MACF1: variants seen among roughly 807,000 people sequenced by gnomAD.
MACF1 encodes microtubule actin crosslinking factor 1.
MACF1 carries 193 observed loss-of-function variants against 854.8 expected under a neutral mutation model. The observed-to-expected ratio is 0.23, with a 90% CI of 0.20 to 0.25. MACF1 has a LOEUF of 0.25. MACF1 is among the 10% of genes least tolerant of loss of function. The pLI, the probability that MACF1 is intolerant of heterozygous loss-of-function variation, is 1.00. For synonymous variants in MACF1, 3,185 were observed against 3,226.7 expected (o/e 0.99, Z 0.44); for missense variants, 7,722 against 8,929.1 (o/e 0.86, Z 5.45).
rs191825950 is a variant in MACF1, at chr1:39,209,717, C to T, written c.109+4586C>T. ...AAGATCAATTATAAAATGGCCAAAC[C>T]TTGTACATGAATTGTTGTTGTCTCC... is the stretch of plus-strand genomic sequence containing the variant. On this transcript the variant is annotated intron_variant, in intron 1 of 100. Coordinates refer to ENST00000564288, the MANE Select transcript of MACF1 (RefSeq NM_001394062.1). Among the ~76,000 whole-genome samples the T allele has an allele frequency of 2.1e-3, 321 of 152,128 alleles. 1 individual carries two copies. The highest frequency in any genetic ancestry group is 3.9e-3 in the Non-Finnish European group (266 of 67,988).
intron 58 of MACF1, among the ~76,000 whole-genome samples, chr1:39,421,988 T>G (rs1643556236): frequency 6.6e-6 from 1 of 151,858 alleles, no homozygotes; most frequent in Non-Finnish European, 1.5e-5. Context: ...GGCAGGAGAA[T>G]GGCATGAACC....
At chr1:39,408,520 C>T (rs1028807259) in intron 58 of MACF1, among the ~76,000 whole-genome samples, 3 of 152,126 alleles carry the variant, frequency 2.0e-5, no homozygotes, top group African/African-American at 7.2e-5. Context: ...CGCGACCTGC[C>T]GGCACACGGG....
chr1:39,379,122 T>C (rs1333539501), intron 53 of MACF1, 81 bp from the exon 54 acceptor site: 1 of 1,376,246 alleles, frequency 7.3e-7, no homozygotes, highest in Admixed American at 2.4e-5. Context: ...GTAAGAGAGA[T>C]GCAAGTAATT....
At position 39,257,133 on chromosome 1, in the gene MACF1, T is replaced by C. The variant is rs531229734; in HGVS notation, c.436-803T>C. ...AAAACCTGCACATGAATATTCATAA[T>C]TGCCAAAATCTAGAAATAATTCACA... On this transcript the variant is annotated intron_variant, in intron 5 of 100. Coordinates refer to ENST00000564288, the MANE Select transcript of MACF1 (RefSeq NM_001394062.1). 3.1e-4 allele frequency among the ~76,000 whole-genome samples: 47 copies of C among 152,312 alleles called. 1 individual carries two copies. The highest frequency in any genetic ancestry group is 1.2e-3 in the South Asian group (6 of 4,820).
At chr1:39,192,937 C>T (rs942955007) in intron 2 of MACF1, among the ~76,000 whole-genome samples, 1 of 152,018 alleles carries the variant, frequency 6.6e-6, no homozygotes, top group African/African-American at 2.4e-5. Context: ...TGGTGAAACC[C>T]CGTCTCTACC....
At chr1:39,411,249 T>C in intron 58 of MACF1, 1 of 1,613,890 alleles carries the variant, frequency 6.2e-7, no homozygotes. Flanking sequence ...AGCGATGGAT[T>C]ATGATGGAGG....
At chr1:39,485,018 C>T in intron 100 of MACF1, 1 of 488,394 alleles carries the variant, frequency 2.0e-6, no homozygotes, top group Non-Finnish European at 3.7e-6. Context: ...GGGTCTTCCT[C>T]AGACACCAGT....
intron 16 of MACF1, among the ~76,000 whole-genome samples, chr1:39,292,365 C>A (rs556498283): frequency 6.6e-6 from 1 of 152,340 alleles, no homozygotes; most frequent in Admixed American, 6.5e-5. Flanking sequence ...TTTACTTCCC[C>A]ATCTGCCTGC....
At position 39,191,225 on chromosome 1, in the gene MACF1, GC is replaced by G. The variant is rs1298304575; in HGVS notation, c.221-39956del. 4.2e-5 allele frequency among the ~76,000 whole-genome samples: 6 copies of G among 141,730 alleles called. No individual in the cohort carries two copies. In the Admixed American group the frequency reaches 4.4e-4, roughly 10 times the overall value. The allele number at this position is 141,730 out of a possible 152,430, so 93.0% of individuals were successfully genotyped here. On this transcript the variant is annotated intron_variant, in intron 2 of 93. Transcript: ENST00000361689. ...TTTTTTTTTTTTTTTTTTTAACCTA[GC>G]AGTAAAGTACAGGCCCAGTTGGGTC... is the stretch of plus-strand genomic sequence containing the variant.
chr1:39,213,535 G>A (rs146301704), intron 1 of MACF1, among the ~76,000 whole-genome samples: 35 of 152,070 alleles, frequency 2.3e-4, no homozygotes, highest in East Asian at 1.4e-3. Flanking sequence ...GGGTTTTACC[G>A]TGTTGGCCCC....
At chr1:39,438,537 C>T (rs1230655217) in intron 71 of MACF1, among the ~76,000 whole-genome samples, 5 of 152,208 alleles carry the variant, frequency 3.3e-5, no homozygotes, top group Admixed American at 2.0e-4. Flanking sequence ...ATAATCCCAG[C>T]ACTTTGGGAG....
chr1:39,439,814 C>T (rs1466352023), intron 72 of MACF1, among the ~76,000 whole-genome samples: 1 of 151,968 alleles, frequency 6.6e-6, no homozygotes, highest in Non-Finnish European at 1.5e-5. Context: ...CCATGTTGAC[C>T]AGAGTGGTTC....
At chr1:39,148,402 T>C (rs1643509573) in intron 2 of MACF1, among the ~76,000 whole-genome samples, 1 of 152,198 alleles carries the variant, frequency 6.6e-6, no homozygotes, top group South Asian at 2.1e-4. Context: ...TCATAAAATA[T>C]TCATGTTTGT....
chr1:39,248,180 G>A (rs1001476914), intron 2 of MACF1, among the ~76,000 whole-genome samples: 1 of 152,080 alleles, frequency 6.6e-6, no homozygotes, highest in African/African-American at 2.4e-5. Flanking sequence ...GTCTTATGTG[G>A]TTTTTCCGTC....
chr1:39,313,749 T>A (rs896435780), intron 26 of MACF1, among the ~76,000 whole-genome samples: 1 of 152,120 alleles, frequency 6.6e-6, no homozygotes, highest in Non-Finnish European at 1.5e-5. Flanking sequence ...CCTTTTAACA[T>A]GTCCCCATCA....
intron 61 of MACF1, among the ~76,000 whole-genome samples, chr1:39,426,686 A>G (rs1341497886): frequency 6.6e-6 from 1 of 152,174 alleles, no homozygotes; most frequent in African/African-American, 2.4e-5. Context: ...ATCCCAGGAA[A>G]AGCCAAGCTT....
chr1:39,091,744 C>T (rs1030369716), intron 2 of MACF1, among the ~76,000 whole-genome samples: 1 of 152,160 alleles, frequency 6.6e-6, no homozygotes, highest in Non-Finnish European at 1.5e-5. Context: ...TCGTGATCCA[C>T]CTGCTTTGGC....
chr1:39,312,694 A>G (rs1212474171), intron 26 of MACF1, among the ~76,000 whole-genome samples: 1 of 152,158 alleles, frequency 6.6e-6, no homozygotes, highest in Non-Finnish European at 1.5e-5. Flanking sequence ...GTGTGGTGGC[A>G]GGTGCCTGTA....
intron 65 of MACF1, among the ~76,000 whole-genome samples, 170 bp downstream of exon 65, chr1:39,430,238 G>A (rs1485879027): frequency 1.3e-5 from 2 of 152,046 alleles, no homozygotes; most frequent in African/African-American, 2.4e-5. Context: ...CATATGTTAT[G>A]AAGAAGAAAG....
Sources: allele counts gnomAD v4.1 joint callset (sites outside exome capture counted in the v4.1 genomes callset), GRCh38; gene constraint gnomAD v4.1.1; transcripts MANE v1.5; gene names NCBI Gene and HGNC (gene_info 2026-07-23, HGNC 2026-07-21).